The following ZNF487 variants were observed in gnomAD, a reference collection of about 807,000 sequenced individuals.
ZNF487 encodes the protein KRAB domain only 1.
A neutral mutation model predicts 3.0 loss-of-function variants in ZNF487; 4 were observed. The observed-to-expected ratio is 1.35, with a 90% CI of 0.66 to 3.08. The LOEUF is 3.08. Ranked by LOEUF, ZNF487 falls within the 30% of genes most tolerant of loss-of-function variation. The pLI is 0.01. For missense variants in ZNF487, 146 were observed against 98.7 expected (o/e 1.48, Z -2.03); for synonymous variants, 55 against 34.6 (o/e 1.59, Z -2.06).
At chr10:43,470,139 C>A (rs1418540981) in intron 1 of ZNF487, among the ~76,000 whole-genome samples, 3 of 152,034 alleles carry the variant, frequency 2.0e-5, no homozygotes, top group Admixed American at 6.6e-5. Flanking sequence ...TTGAGGTATG[C>A]CTGTGTTTTT....
rs1277876139 is a variant in ZNF487, at chr10:43,483,078, A to C, written c.*1156A>C. 1 of 457,474 alleles carries C rather than the reference A, an allele frequency of 2.2e-6. No individual in the cohort carries two copies. The highest frequency in any genetic ancestry group is 2.0e-5 in the African/African-American group (1 of 50,218). 28.3% of individuals were successfully genotyped at this position (457,474 alleles called of 1,614,324 possible). Reference sequence around the variant, plus strand: ...CAACATAGAGGAAACCCTTGTCAACATCCTGAAGGCTCAGAAACCTTCACC... The same window carrying C: ...CAACATAGAGGAAACCCTTGTCAACCTCCTGAAGGCTCAGAAACCTTCACC... On this transcript the variant is annotated 3_prime_UTR_variant, in exon 4 of 4. Transcript: ENST00000437590.
At chr10:43,449,959 G>A (rs1314538203) in intron 1 of ZNF487, among the ~76,000 whole-genome samples, 4 of 152,094 alleles carry the variant, frequency 2.6e-5, no homozygotes, top group African/African-American at 9.7e-5. Flanking sequence ...GATTACAGGT[G>A]TGAGCCACCA....
the ZNF487 span, among the ~76,000 whole-genome samples, chr10:43,517,745 G>A: frequency 6.6e-6 from 1 of 152,164 alleles, no homozygotes; most frequent in East Asian, 1.9e-4. Flanking sequence ...CCTTGATGTA[G>A]GATGGAGCCA....
intron 1 of ZNF487, among the ~76,000 whole-genome samples, chr10:43,443,879 GTCTC>G (rs146503138): frequency 2.0e-5 from 3 of 146,684 alleles, no homozygotes; most frequent in African/African-American, 7.6e-5. Flanking sequence ...TGTAGACACA[GTCTC>G]TCTCTGTCAC....
At chr10:43,451,910 A>T (rs1363878676) in intron 1 of ZNF487, 2 of 152,198 alleles carry the variant, frequency 1.3e-5, no homozygotes. Flanking sequence ...CTGCCAGTTG[A>T]TGGTAGGGTG....
chr10:43,475,844 G>A lies in ZNF487; in HGVS notation c.31G>A (p.Val11Met), dbSNP rs1423317199. MLENYSLLLS[V>M]GYCITKPEVV... The stretch of plus-strand genomic sequence containing the variant: ...GGAGAACTACAGCCTCCTCCTCTCA[G>A]TGGGTAAGGATTATGTAATTTGCAG... Residue 11 changes from valine (V) to methionine (M), a missense_variant, in exon 2 of 4, where the codon GTG (valine) becomes ATG (methionine). Coordinates refer to ENST00000437590, the MANE Select transcript of ZNF487 (RefSeq NM_001355444.3). 3.9e-6 allele frequency: 3 copies of A among 776,114 alleles called. No homozygotes were observed. Among genetic ancestry groups the A allele is most frequent in the Admixed American group, 3.5e-5 (2 of 57,658 alleles). The allele number at this position is 776,114 out of a possible 1,614,324, so 48.1% of individuals were successfully genotyped here.
At chr10:43,495,509 G>C in the ZNF487 span, among the ~76,000 whole-genome samples, 1 of 152,120 alleles carries the variant, frequency 6.6e-6, no homozygotes, top group Non-Finnish European at 1.5e-5. Context: ...CTCTCAATGT[G>C]TTGGGATTAC....
At chr10:43,478,918 T>C (rs1841202297) in intron 3 of ZNF487, among the ~76,000 whole-genome samples, 2 of 151,172 alleles carry the variant, frequency 1.3e-5, no homozygotes, top group Non-Finnish European at 1.5e-5. Flanking sequence ...TTCTTTTTTT[T>C]TTTAATGAGA....
chr10:43,468,942 T>C (rs551864058), intron 1 of ZNF487, among the ~76,000 whole-genome samples: 2 of 128,648 alleles, frequency 1.6e-5, no homozygotes, highest in South Asian at 4.6e-4. Flanking sequence ...TGAGCCAAGA[T>C]TGTGCCACTG....
At chr10:43,454,765 T>G (rs1393424456) in intron 1 of ZNF487, 1 of 152,036 alleles carries the variant, frequency 6.6e-6, no homozygotes, top group African/African-American at 2.4e-5. Flanking sequence ...CGTAGAGCCA[T>G]GTCAAGAATG....
chr10:43,494,528 C>A, the ZNF487 span, among the ~76,000 whole-genome samples: 1 of 141,618 alleles, frequency 7.1e-6, no homozygotes, highest in Non-Finnish European at 1.6e-5. Context: ...ATCACTGCCC[C>A]TAAGATGCAA....
intron 1 of ZNF487, among the ~76,000 whole-genome samples, chr10:43,440,054 A>T (rs61412040): frequency 0.81 from 119,569 of 147,480 alleles, 49,201 homozygotes; most frequent in East Asian, 0.93. Flanking sequence ...ATATATATAT[A>T]TTTTTTTTTT....
chr10:43,463,126 C>T (rs1183565834), intron 1 of ZNF487, among the ~76,000 whole-genome samples: 14 of 151,448 alleles, frequency 9.2e-5, no homozygotes, highest in Non-Finnish European at 1.9e-4. Flanking sequence ...CCCAGCTGCT[C>T]GGGAGGCTGT....
chr10:43,476,049 C>T, intron 2 of ZNF487, 58 bp from the exon 3 acceptor site: 1 of 707,784 alleles, frequency 1.4e-6, no homozygotes, highest in South Asian at 1.5e-5. Flanking sequence ...TTTGTGCAGG[C>T]ACACCTTTGT....
chr10:43,478,833 A>G (rs1246028353), intron 3 of ZNF487, among the ~76,000 whole-genome samples: 1 of 151,970 alleles, frequency 6.6e-6, no homozygotes, highest in South Asian at 2.1e-4. Context: ...AATAATAAAC[A>G]AAATAGAATG....
At chr10:43,456,252 G>A (rs1362144113) in intron 1 of ZNF487, among the ~76,000 whole-genome samples, 1 of 152,190 alleles carries the variant, frequency 6.6e-6, no homozygotes, top group Admixed American at 6.6e-5. Flanking sequence ...TTGGCCCCTA[G>A]GGCCAGATCC....
At chr10:43,483,195 A>G (rs1303809921), downstream of ZNF487, 2 of 409,218 alleles carry the variant, frequency 4.9e-6, no homozygotes, top group Non-Finnish European at 9.6e-6. Flanking sequence ...GTGATATTTC[A>G]TTGAACAGCA....
chr10:43,453,515 G>C (rs1840073788), intron 1 of ZNF487: 1 of 152,190 alleles, frequency 6.6e-6, no homozygotes, highest in Non-Finnish European at 1.5e-5. Context: ...ATGCCAATTT[G>C]TCTCTCAGTG....
At chr10:43,462,010 A>T (rs1038663622) in intron 1 of ZNF487, among the ~76,000 whole-genome samples, 1 of 152,144 alleles carries the variant, frequency 6.6e-6, no homozygotes, top group African/African-American at 2.4e-5. Flanking sequence ...TTTATCTCCA[A>T]GGTTGGTCTG....
Sources: gnomAD v4.1 joint callset for allele counts (sites outside exome capture counted in the v4.1 genomes callset) on GRCh38, gnomAD v4.1.1 for gene constraint, MANE v1.5 for transcripts, NCBI Gene and HGNC (gene_info 2026-07-23, HGNC 2026-07-21) for gene names.